The following CHRM3 variants were observed in gnomAD, a reference collection of about 807,000 sequenced individuals.
CHRM3 encodes the protein muscarinic acetylcholine receptor M3.
CHRM3 carries 11 observed loss-of-function variants against 41.8 expected under a neutral mutation model. The observed-to-expected ratio is 0.26, with a 90% CI of 0.17 to 0.44. CHRM3 has a LOEUF of 0.44. CHRM3 is among the 20% of genes least tolerant of loss of function. The pLI is 1.00. For missense variants in CHRM3, 571 were observed against 745.4 expected, an observed-to-expected ratio of 0.77 and a Z score of 2.72; for synonymous variants, 297 against 301.4, an observed-to-expected ratio of 0.99 and a Z score of 0.15.
At chr1:239,579,515 C>T (rs1662672898) in intron 3 of CHRM3, among the ~76,000 whole-genome samples, 1 of 152,098 alleles carries the variant, frequency 6.6e-6, no homozygotes, top group Admixed American at 6.6e-5. Flanking sequence ...TCTTTGAGTA[C>T]CTATAAAGGC....
intron 1 of CHRM3, among the ~76,000 whole-genome samples, chr1:239,404,719 A>AATATATATATAT (rs67746016): frequency 1.1e-3 from 111 of 97,346 alleles, no homozygotes; most frequent in East Asian, 1.6e-3. Flanking sequence ...GCTATATCTA[A>AATATATATATAT]ATATATATAT....
intron 4 of CHRM3, among the ~76,000 whole-genome samples, chr1:239,669,891 G>A (rs61834786): frequency 0.019 from 2,927 of 152,188 alleles, 58 homozygotes; most frequent in Admixed American, 0.051. Flanking sequence ...TGGCCAACTC[G>A]TTTCTTTTAC....
chr1:239,763,079 C>T (rs1666931354), intron 5 of CHRM3, among the ~76,000 whole-genome samples: 1 of 152,058 alleles, frequency 6.6e-6, no homozygotes, highest in Non-Finnish European at 1.5e-5. Context: ...CAAATGGAAC[C>T]CATGAGGAAA....
intron 4 of CHRM3, among the ~76,000 whole-genome samples, chr1:239,658,953 G>C (rs1412163563): frequency 6.6e-6 from 1 of 152,040 alleles, no homozygotes; most frequent in South Asian, 2.1e-4. Flanking sequence ...AGCCAGGCTG[G>C]TCTCGAACTC....
chr1:239,536,226 T>C (rs561713555), intron 2 of CHRM3, among the ~76,000 whole-genome samples: 1 of 152,288 alleles, frequency 6.6e-6, no homozygotes, highest in African/African-American at 2.4e-5. Context: ...GGTTTTTCAG[T>C]TCCCCCAAAT....
At chr1:239,698,550 C>A (rs1344258078) in intron 5 of CHRM3, among the ~76,000 whole-genome samples, 1 of 152,158 alleles carries the variant, frequency 6.6e-6, no homozygotes, top group African/African-American at 2.4e-5. Flanking sequence ...ATACTTAACA[C>A]CGTAAGACTA....
At chr1:239,590,067 A>C (rs1663942012) in intron 3 of CHRM3, among the ~76,000 whole-genome samples, 1 of 152,110 alleles carries the variant, frequency 6.6e-6, no homozygotes, top group African/African-American at 2.4e-5. Flanking sequence ...CTTGGACCTA[A>C]AATCGTGGCT....
chr1:239,592,928 C>G (rs1360605168), intron 3 of CHRM3, among the ~76,000 whole-genome samples: 1 of 151,984 alleles, frequency 6.6e-6, no homozygotes, highest in Non-Finnish European at 1.5e-5. Flanking sequence ...CCCACTCCAC[C>G]CCAGATCCGC....
chr1:239,505,681 A>G (rs12239665), intron 2 of CHRM3, among the ~76,000 whole-genome samples: 41,397 of 152,062 alleles, frequency 0.27, 6,331 homozygotes, highest in African/African-American at 0.41. Context: ...AGAGTGGGGC[A>G]CTGTTGTAGA....
At chr1:239,756,913 C>A (rs73122567) in intron 5 of CHRM3, among the ~76,000 whole-genome samples, 9,502 of 152,074 alleles carry the variant, frequency 0.062, 723 homozygotes, top group African/African-American at 0.17. Flanking sequence ...TTTAATTTAT[C>A]AGGGAATTCT....
At chr1:239,832,900 C>T (rs1021485061) in intron 6 of CHRM3, among the ~76,000 whole-genome samples, 31 of 152,142 alleles carry the variant, frequency 2.0e-4, no homozygotes, top group African/African-American at 7.2e-4. Flanking sequence ...GTTTAGTTAA[C>T]GTCATCAATC....
At chr1:239,551,807 A>T (rs751561493) in intron 3 of CHRM3, among the ~76,000 whole-genome samples, 8 of 152,192 alleles carry the variant, frequency 5.3e-5, no homozygotes, top group Non-Finnish European at 1.0e-4. Flanking sequence ...AGCCACTCAG[A>T]TTTCACAGAT....
rs555109267 is a variant in CHRM3, at chr1:239,721,739, T to A, written c.-147+43451T>A. On this transcript the variant is annotated intron_variant, in intron 5 of 6. Coordinates refer to ENST00000676153, the MANE Select transcript of CHRM3 (RefSeq NM_001375978.1). Reference sequence around the variant, plus strand: ...TATTATCTTTCTACAGTATGAGAAGTACAAAAGAAGTCTTTACTATATAAT... The same window carrying A: ...TATTATCTTTCTACAGTATGAGAAGAACAAAAGAAGTCTTTACTATATAAT... 3.9e-5 allele frequency among the ~76,000 whole-genome samples: 6 copies of A among 152,018 alleles called. No individual in the cohort carries two copies. In the South Asian group the frequency reaches 1.2e-3, roughly 31 times the overall value.
At chr1:239,746,749 ATTTC>A (rs1484768146) in intron 5 of CHRM3, among the ~76,000 whole-genome samples, 10 of 151,068 alleles carry the variant, frequency 6.6e-5, no homozygotes, top group South Asian at 4.2e-4. Flanking sequence ...TTATTACTCT[ATTTC>A]TTTCTTTCTT....
chr1:239,752,228 C>T (rs1048560312), intron 5 of CHRM3, among the ~76,000 whole-genome samples: 1 of 152,156 alleles, frequency 6.6e-6, no homozygotes, highest in Admixed American at 6.5e-5. Flanking sequence ...CACTCCTGAC[C>T]TGATTGCACT....
At chr1:239,504,416 A>G (rs1668433374) in intron 2 of CHRM3, among the ~76,000 whole-genome samples, 1 of 152,190 alleles carries the variant, frequency 6.6e-6, no homozygotes, top group South Asian at 2.1e-4. Context: ...AAAAAACAGT[A>G]GATGTTGGCA....
chr1:239,723,034 G>T (rs1049628217), intron 5 of CHRM3, among the ~76,000 whole-genome samples: 1 of 151,878 alleles, frequency 6.6e-6, no homozygotes, highest in Non-Finnish European at 1.5e-5. Context: ...AGCCAATAGA[G>T]ACTTTTGAAT....
chr1:239,905,013 G>A (rs528962728), intron 6 of CHRM3, among the ~76,000 whole-genome samples: 1 of 152,274 alleles, frequency 6.6e-6, no homozygotes, highest in Admixed American at 6.5e-5. Flanking sequence ...CTGCAAAATT[G>A]TCTTTCAAAT....
chr1:239,465,658 G>C (rs748849360), intron 1 of CHRM3, among the ~76,000 whole-genome samples: 2 of 152,102 alleles, frequency 1.3e-5, no homozygotes, highest in Non-Finnish European at 2.9e-5. Flanking sequence ...CTCCACTTTC[G>C]TATCTTCGTG....
Sources: gnomAD v4.1 joint callset for allele counts (sites outside exome capture counted in the v4.1 genomes callset) on GRCh38, gnomAD v4.1.1 for gene constraint, MANE v1.5 for transcripts, NCBI Gene and HGNC (gene_info 2026-07-23, HGNC 2026-07-21) for gene names.